ANGPT1: variants seen among roughly 807,000 people sequenced by gnomAD.
The protein encoded by ANGPT1 is angiopoietin 1.
In ANGPT1, 17 loss-of-function variants were observed where a neutral mutation model predicts 62.2. The ratio of observed to expected loss-of-function variants is 0.27; its 90% confidence interval spans 0.19 to 0.41. The LOEUF (loss-of-function observed/expected upper bound fraction) is 0.41, where lower values mean the gene tolerates loss of function less well. Ranked by LOEUF, ANGPT1 falls within the 10% of genes least tolerant of loss-of-function variation. ANGPT1 has a pLI of 1.00. For missense variants in ANGPT1, 478 were observed against 594.9 expected (o/e 0.80, Z 2.04); for synonymous variants, 199 against 198.9 (o/e 1.00, Z 0.00).
At chr8:107,334,264 T>C (rs912659999) in intron 3 of ANGPT1, among the ~76,000 whole-genome samples, 1 of 152,106 alleles carries the variant, frequency 6.6e-6, no homozygotes, top group Non-Finnish European at 1.5e-5. Flanking sequence ...GGCAACTCTT[T>C]CAGAAATAAA....
At chr8:107,492,948 C>A (rs1409697790) in intron 1 of ANGPT1, among the ~76,000 whole-genome samples, 1 of 150,276 alleles carries the variant, frequency 6.7e-6, no homozygotes, top group Non-Finnish European at 1.5e-5. Context: ...ATACTAAGTT[C>A]TTGTGCTTAT....
intron 6 of ANGPT1, among the ~76,000 whole-genome samples, chr8:107,286,011 G>A (rs1003558675): frequency 2.6e-5 from 4 of 152,066 alleles, no homozygotes; most frequent in Non-Finnish European, 5.9e-5. Flanking sequence ...GAGAAATGGA[G>A]GTAAGGAGGA....
intron 7 of ANGPT1, among the ~76,000 whole-genome samples, chr8:107,278,114 C>T (rs978238737): frequency 1.3e-5 from 2 of 149,744 alleles, no homozygotes; most frequent in Non-Finnish European, 3.0e-5. Flanking sequence ...CATGTTTTGT[C>T]AGCCAGGCTT....
At chr8:107,307,853 TG>T (rs1282265647) in intron 4 of ANGPT1, among the ~76,000 whole-genome samples, 24 of 152,206 alleles carry the variant, frequency 1.6e-4, no homozygotes, top group Non-Finnish European at 3.2e-4. Flanking sequence ...TCTACTTGCC[TG>T]TTGGGCAGTC....
At chr8:107,302,309 T>C (rs987228406) in intron 5 of ANGPT1, among the ~76,000 whole-genome samples, 2 of 151,818 alleles carry the variant, frequency 1.3e-5, no homozygotes, top group Non-Finnish European at 2.9e-5. Flanking sequence ...GACAGTTGTT[T>C]TATCCTGTAA....
chr8:107,492,056 T>C (rs1158550342), intron 1 of ANGPT1, among the ~76,000 whole-genome samples: 1 of 152,140 alleles, frequency 6.6e-6, no homozygotes, highest in South Asian at 2.1e-4. Context: ...AGGGTTTTTT[T>C]TGGATCTTTT....
chr8:107,259,782 T>G (rs1036347506), intron 8 of ANGPT1, among the ~76,000 whole-genome samples: 1 of 152,084 alleles, frequency 6.6e-6, no homozygotes, highest in Non-Finnish European at 1.5e-5. Context: ...CTTTCAGAAA[T>G]GCAGACTTTG....
chr8:107,251,744 T>G lies in ANGPT1; in HGVS notation c.*111A>C. 2 of 1,343,132 alleles carry G rather than the reference T, an allele frequency of 1.5e-6. No individual in the cohort carries two copies. The highest frequency in any genetic ancestry group is 2.0e-6 in the Non-Finnish European group (2 of 978,368). The allele number at this position is 1,343,132 out of a possible 1,614,324, so 83.2% of individuals were successfully genotyped here. On this transcript the variant is annotated 3_prime_UTR_variant, in exon 9 of 9. Coordinates refer to ENST00000517746, the MANE Select transcript of ANGPT1 (RefSeq NM_001146.5). Reference sequence around the variant, plus strand: ...GTGACTTCACATAACTACCACTTATTGCTGGAAGGGAGACAATATTGTTTG... The same window carrying G: ...GTGACTTCACATAACTACCACTTATGGCTGGAAGGGAGACAATATTGTTTG...
At chr8:107,493,648 A>G (rs1388642124) in intron 1 of ANGPT1, among the ~76,000 whole-genome samples, 1 of 150,448 alleles carries the variant, frequency 6.6e-6, no homozygotes, top group African/African-American at 2.4e-5. Context: ...TGCAGAATGC[A>G]ATAGATAATG....
intron 1 of ANGPT1, among the ~76,000 whole-genome samples, chr8:107,411,837 C>A (rs1418908103): frequency 1.3e-5 from 2 of 152,098 alleles, no homozygotes; most frequent in Non-Finnish European, 2.9e-5. Context: ...TACAATCTTT[C>A]TCTCTTTCTT....
chr8:107,401,284 CTG>C (rs1054698446), intron 1 of ANGPT1, among the ~76,000 whole-genome samples: 27 of 149,132 alleles, frequency 1.8e-4, no homozygotes, highest in African/African-American at 5.9e-4. Context: ...AAAAAAAAAA[CTG>C]TGGACTATTT....
At chr8:107,338,101 A>C (rs1815612934) in intron 2 of ANGPT1, among the ~76,000 whole-genome samples, 1 of 152,120 alleles carries the variant, frequency 6.6e-6, no homozygotes, top group Admixed American at 6.6e-5. Flanking sequence ...ATCTCAAAAA[A>C]TAAAATAAAA....
At chr8:107,282,137 T>C (rs1324666159) in intron 7 of ANGPT1, among the ~76,000 whole-genome samples, 1 of 151,930 alleles carries the variant, frequency 6.6e-6, no homozygotes, top group Admixed American at 6.6e-5. Context: ...CACCATCTTA[T>C]AGTGTGTTTA....
chr8:107,352,487 T>C (rs1815954440), intron 1 of ANGPT1, among the ~76,000 whole-genome samples: 2 of 152,144 alleles, frequency 1.3e-5, no homozygotes, highest in South Asian at 4.1e-4. Context: ...GAGAGAATTT[T>C]GGGAGAGCTT....
At chr8:107,356,488 T>C (rs1366793164) in intron 1 of ANGPT1, among the ~76,000 whole-genome samples, 1 of 152,148 alleles carries the variant, frequency 6.6e-6, no homozygotes, top group Non-Finnish European at 1.5e-5. Context: ...TAATAAGTCT[T>C]TCCAGAGGCA....
intron 7 of ANGPT1, among the ~76,000 whole-genome samples, chr8:107,268,464 CCTT>C (rs1465581978): frequency 1.3e-5 from 2 of 149,510 alleles, no homozygotes; most frequent in African/African-American, 4.9e-5. Context: ...TCTCTCACAT[CCTT>C]CTTATCTTTC....
chr8:107,416,776 A>G (rs1395584992), intron 1 of ANGPT1, among the ~76,000 whole-genome samples: 3 of 150,622 alleles, frequency 2.0e-5, no homozygotes, highest in Admixed American at 6.7e-5. Flanking sequence ...CTTATGACCT[A>G]CAGACAAGGT....
intron 4 of ANGPT1, among the ~76,000 whole-genome samples, chr8:107,316,434 C>T (rs1013591132): frequency 6.6e-6 from 1 of 152,118 alleles, no homozygotes; most frequent in Admixed American, 6.5e-5. Context: ...GGTAATAGAA[C>T]CTATCATACA....
intron 2 of ANGPT1, among the ~76,000 whole-genome samples, chr8:107,338,555 G>C (rs565825540): frequency 6.6e-6 from 1 of 152,148 alleles, no homozygotes; most frequent in African/African-American, 2.4e-5. Context: ...CATTAGTAAG[G>C]ATCTGAAAGC....
Sources: gnomAD v4.1 joint callset for allele counts (sites outside exome capture counted in the v4.1 genomes callset) on GRCh38, gnomAD v4.1.1 for gene constraint, MANE v1.5 for transcripts, NCBI Gene and HGNC (gene_info 2026-07-23, HGNC 2026-07-21) for gene names.